LCLAT1: variants seen among roughly 807,000 people sequenced by gnomAD.
LCLAT1 encodes the protein lysocardiolipin acyltransferase 1, also known as 1-AGP acyltransferase 8.
A neutral mutation model predicts 30.7 loss-of-function variants in LCLAT1; 11 were observed. That is an observed-to-expected ratio of 0.36 (90% CI 0.23 to 0.59). The LOEUF (loss-of-function observed/expected upper bound fraction) is 0.59, where lower values mean the gene tolerates loss of function less well. Among genes scored for constraint, LCLAT1 ranks in the 20% least tolerant of loss-of-function variants. The pLI, the probability that LCLAT1 is intolerant of heterozygous loss-of-function variation, is 0.77. For synonymous variants in LCLAT1, 155 were observed against 151.3 expected, an observed-to-expected ratio of 1.02 and a Z score of -0.18; for missense variants, 402 against 458.6, an observed-to-expected ratio of 0.88 and a Z score of 1.13.
intron 1 of LCLAT1, among the ~76,000 whole-genome samples, chr2:30,509,604 A>T (rs1174157674): frequency 6.6e-6 from 1 of 151,508 alleles, no homozygotes; most frequent in Non-Finnish European, 1.5e-5. Flanking sequence ...GCAGAGTCTC[A>T]TTGTCTCCCC....
At chr2:30,620,913 T>TA (rs1399152004) in intron 5 of LCLAT1, among the ~76,000 whole-genome samples, 1 of 152,186 alleles carries the variant, frequency 6.6e-6, no homozygotes, top group Non-Finnish European at 1.5e-5. Flanking sequence ...TGGGATACTT[T>TA]AGCTTGTCAC....
At chr2:30,593,649 G>C (rs934713457) in intron 5 of LCLAT1, among the ~76,000 whole-genome samples, 3 of 152,084 alleles carry the variant, frequency 2.0e-5, no homozygotes, top group Non-Finnish European at 4.4e-5. Flanking sequence ...AATACTACTA[G>C]CACTTTTCTT....
At chr2:30,562,317 G>C (rs767706883) in intron 4 of LCLAT1, 25 bp downstream of exon 4, 1 of 1,563,410 alleles carries the variant, frequency 6.4e-7, no homozygotes, top group East Asian at 2.3e-5. Flanking sequence ...GTTTGGCAAA[G>C]TTAGAAATCA....
intron 1 of LCLAT1, chr2:30,459,643 C>T (rs139904111): frequency 1.2e-6 from 2 of 1,613,876 alleles, no homozygotes; most frequent in Non-Finnish European, 1.7e-6. Context: ...AATTGTGGTG[C>T]TTCTGAACCC....
intron 1 of LCLAT1, among the ~76,000 whole-genome samples, chr2:30,466,576 A>C (rs998635899): frequency 6.6e-6 from 1 of 152,140 alleles, no homozygotes; most frequent in African/African-American, 2.4e-5. Flanking sequence ...CTTTGTATGA[A>C]TCCTGTAACT....
intron 5 of LCLAT1, among the ~76,000 whole-genome samples, chr2:30,605,839 C>T (rs1319236658): frequency 1.3e-5 from 2 of 152,062 alleles, no homozygotes; most frequent in African/African-American, 4.8e-5. Context: ...TTGTCCACGG[C>T]TCGGGGAGGG....
chr2:30,449,557 A>G (rs1197004713), intron 1 of LCLAT1, among the ~76,000 whole-genome samples: 2 of 151,434 alleles, frequency 1.3e-5, no homozygotes, highest in African/African-American at 2.4e-5. Flanking sequence ...CTGGAGTGCA[A>G]TGGCACGATC....
At chr2:30,613,339 C>CT (rs1558556921) in intron 5 of LCLAT1, among the ~76,000 whole-genome samples, 1 of 151,912 alleles carries the variant, frequency 6.6e-6, no homozygotes, top group Admixed American at 6.6e-5. Flanking sequence ...ATCTGTAGGT[C>CT]GGGCAGGTGG....
At chr2:30,576,869 A>G (rs1372004438) in intron 5 of LCLAT1, among the ~76,000 whole-genome samples, 1 of 151,362 alleles carries the variant, frequency 6.6e-6, no homozygotes, top group African/African-American at 2.4e-5. Context: ...TTCATAGTTG[A>G]TATTTGTGTT....
At chr2:30,629,955 A>G (rs1668690329) in intron 5 of LCLAT1, among the ~76,000 whole-genome samples, 1 of 151,942 alleles carries the variant, frequency 6.6e-6, no homozygotes, top group South Asian at 2.1e-4. Context: ...TTTTTAAGGT[A>G]CATGTTATGT....
In LCLAT1 at chr2:30,551,487, T is replaced by C. The variant is rs116860635; in HGVS notation, c.365-10659T>C. 2.0e-5 allele frequency among the ~76,000 whole-genome samples: 3 copies of C among 152,324 alleles called. No homozygotes were observed. The East Asian group carries it at 5.8e-4, about 29-fold the overall frequency. ...GATCCCTTTTTTTTATGAAGAATGA[T>C]GTGAGAAACTAAAATCTAGGCACTT... On this transcript the variant is annotated intron_variant, in intron 3 of 5. Coordinates refer to ENST00000379509, the MANE Select transcript of LCLAT1 (RefSeq NM_001002257.3).
chr2:30,521,362 G>T (rs1685457747), intron 1 of LCLAT1, among the ~76,000 whole-genome samples: 1 of 152,040 alleles, frequency 6.6e-6, no homozygotes, highest in African/African-American at 2.4e-5. Context: ...TTGCACCGTG[G>T]ACTCACCCTG....
intron 3 of LCLAT1, among the ~76,000 whole-genome samples, chr2:30,549,713 A>G (rs1664594156): frequency 6.6e-6 from 1 of 152,200 alleles, no homozygotes; most frequent in Non-Finnish European, 1.5e-5. Context: ...GGGGCTAAGT[A>G]TCTGTAAATT....
intron 3 of LCLAT1, among the ~76,000 whole-genome samples, chr2:30,535,138 A>C (rs527912081): frequency 6.6e-6 from 1 of 152,252 alleles, no homozygotes; most frequent in Non-Finnish European, 1.5e-5. Context: ...GGACAATGGC[A>C]GCTGTGTATT....
At chr2:30,473,054 A>G (rs929030905) in intron 1 of LCLAT1, among the ~76,000 whole-genome samples, 2 of 152,200 alleles carry the variant, frequency 1.3e-5, no homozygotes, top group African/African-American at 4.8e-5. Flanking sequence ...TGTACCATAT[A>G]TCCATGGCCT....
At chr2:30,483,119 A>G (rs745991260) in intron 1 of LCLAT1, among the ~76,000 whole-genome samples, 4 of 152,198 alleles carry the variant, frequency 2.6e-5, no homozygotes, top group South Asian at 2.1e-4. Context: ...AAATGTATCT[A>G]CTAACATAAG....
At chr2:30,583,521 C>T (rs1045979483) in intron 5 of LCLAT1, among the ~76,000 whole-genome samples, 1 of 152,174 alleles carries the variant, frequency 6.6e-6, no homozygotes, top group African/African-American at 2.4e-5. Flanking sequence ...ACCCCCAATG[C>T]AGTTTCTGTC....
chr2:30,630,301 G>C (rs188263144), intron 5 of LCLAT1, among the ~76,000 whole-genome samples: 1 of 152,224 alleles, frequency 6.6e-6, no homozygotes, highest in East Asian at 1.9e-4. Flanking sequence ...AGTCACATTG[G>C]GGGTTAGGGC....
At chr2:30,516,304 C>T (rs1685180957) in intron 1 of LCLAT1, among the ~76,000 whole-genome samples, 1 of 152,130 alleles carries the variant, frequency 6.6e-6, no homozygotes, top group African/African-American at 2.4e-5. Flanking sequence ...TGTTAGGGCT[C>T]AAGCTGAGCT....
Sources: allele counts gnomAD v4.1 joint callset (sites outside exome capture counted in the v4.1 genomes callset), GRCh38; gene constraint gnomAD v4.1.1; transcripts MANE v1.5; gene names NCBI Gene and HGNC (gene_info 2026-07-23, HGNC 2026-07-21).